SGSM3: variants seen among roughly 807,000 people sequenced by gnomAD.
SGSM3 encodes small G protein signaling modulator 3.
A neutral mutation model predicts 100.5 loss-of-function variants in SGSM3; 96 were observed. The ratio of observed to expected loss-of-function variants is 0.96; its 90% confidence interval spans 0.81 to 1.13. The LOEUF is 1.13. Ranked by LOEUF, SGSM3 falls within the 50% of genes most tolerant of loss-of-function variation. The pLI is 0.00. For synonymous variants in SGSM3, 483 were observed against 422.8 expected (o/e 1.14, Z -1.75); for missense variants, 1,001 against 1,015.8 (o/e 0.99, Z 0.20).
chr22:40,407,717 C>A lies in SGSM3; in HGVS notation c.1525-72C>A. 2 of 1,588,810 alleles carry A rather than the reference C, an allele frequency of 1.3e-6. No individual in the cohort carries two copies. Among genetic ancestry groups the A allele is most frequent in the Non-Finnish European group, 1.7e-6 (2 of 1,157,260 alleles). ...TGGCCTGGCCTAGTTGCTGAGGAGTCATATCGGGGGTGCAGGAGGCGCTGG... is the reference window on the plus strand; with the variant it reads ...TGGCCTGGCCTAGTTGCTGAGGAGTAATATCGGGGGTGCAGGAGGCGCTGG... On this transcript the variant is annotated intron_variant, in intron 13 of 21. Transcript: ENST00000248929. The surrounding 1 kb of genome is among the most constrained non-coding windows in gnomAD (Gnocchi z 4.7).
Position 40,410,038 on chromosome 22 carries a change from AGGGGAT to A in SGSM3, c.*284_*289del. On this transcript the variant is annotated 3_prime_UTR_variant, in exon 22 of 22. Coordinates refer to ENST00000248929, the MANE Select transcript of SGSM3 (RefSeq NM_015705.6). ...CCATGTCTGTGCTCAGGAAGAGGGA[AGGGGAT>A]GGGGGTGGCTAGTAGGCTCCTGGCC... 2 of 1,310,944 alleles carry A rather than the reference AGGGGAT, an allele frequency of 1.5e-6. No homozygotes were observed. Among genetic ancestry groups the A allele is most frequent in the South Asian group, 2.3e-5 (1 of 44,010 alleles). The allele number at this position is 1,310,944 out of a possible 1,614,324, so 81.2% of individuals were successfully genotyped here.
chr22:40,409,088 C>T, intron 19 of SGSM3, 70 bp downstream of exon 19: 1 of 1,551,564 alleles, frequency 6.4e-7, no homozygotes, highest in Non-Finnish European at 8.7e-7. Context: ...AGGGGGGGTC[C>T]TTACAGGGAA....
At chr22:40,380,428 A>G (rs2047380386) in intron 1 of SGSM3, among the ~76,000 whole-genome samples, 2 of 145,978 alleles carry the variant, frequency 1.4e-5, no homozygotes. Context: ...GTGCAGTGGC[A>G]CTATCTCAGC....
intron 1 of SGSM3, among the ~76,000 whole-genome samples, 152 bp from the exon 2 acceptor site, chr22:40,400,544 G>A (rs1030266850): frequency 1.3e-5 from 2 of 152,186 alleles, no homozygotes; most frequent in Admixed American, 6.5e-5. Flanking sequence ...TCGGGAGGCC[G>A]AGGCAGAAGA....
chr22:40,396,565 C>G (rs150777046), intron 1 of SGSM3, among the ~76,000 whole-genome samples: 24,398 of 145,028 alleles, frequency 0.17, 2,708 homozygotes, highest in Admixed American at 0.36. Flanking sequence ...TGCACTCCAG[C>G]CTGGGCGACA....
rs779946950 is a variant in SGSM3, at chr22:40,404,350, C to T, written c.261C>T (p.His87=). Residue 87 remains histidine (H), a synonymous_variant, in exon 5 of 22, where the codon CAC becomes CAT. Transcript: ENST00000248929. ...WQAHLEFTHN[H]DVGDLTWDKI... ...CCCACCTGGAGTTCACCCATAACCA[C>T]GATGTGGGGGATCTCACCTGGGACA... 46 of 1,603,870 alleles carry T rather than the reference C, an allele frequency of 2.9e-5. No individual in the cohort carries two copies. In the Admixed American group the frequency reaches 4.1e-4, roughly 14 times the overall value.
chr22:40,405,699 GATGT>G lies in SGSM3; in HGVS notation c.670_673del (p.Met224LeufsTer51), dbSNP rs759514724. 1 of 1,613,740 alleles carries G rather than the reference GATGT, an allele frequency of 6.2e-7. No individual in the cohort carries two copies. The highest frequency in any genetic ancestry group is 8.5e-7 in the Non-Finnish European group (1 of 1,179,926). ...TGGAGGAGGAGGACGCCTTCTGGAT[GATGT>G]CTGCCATCATCGAGGACCTGCTCCC... On this transcript the variant is annotated frameshift_variant, in exon 8 of 22. Transcript: ENST00000248929. LOFTEE classifies it high-confidence loss of function.
chr22:40,387,652 A>G (rs1292419953), intron 1 of SGSM3, among the ~76,000 whole-genome samples: 1 of 152,154 alleles, frequency 6.6e-6, no homozygotes, highest in African/African-American at 2.4e-5. Flanking sequence ...TATTTATTTC[A>G]CTTCTACTTC....
chr22:40,373,834 TC>T (rs1249868167), intron 1 of SGSM3, among the ~76,000 whole-genome samples: 2 of 152,200 alleles, frequency 1.3e-5, no homozygotes, highest in African/African-American at 4.8e-5. Context: ...CAGGATGGTC[TC>T]CATCTCTTGA....
chr22:40,402,466 G>A (rs1032807202), intron 4 of SGSM3, among the ~76,000 whole-genome samples: 15 of 152,336 alleles, frequency 9.8e-5, no homozygotes, highest in African/African-American at 3.6e-4. Flanking sequence ...CAGGCTGGAC[G>A]TGGTGGCTCA....
intron 19 of SGSM3, 103 bp downstream of exon 19, chr22:40,409,121 G>T: frequency 6.4e-7 from 1 of 1,555,310 alleles, no homozygotes; most frequent in Non-Finnish European, 8.7e-7. Context: ...AAGAACCTCA[G>T]GGGCTCAGGT....
chr22:40,396,765 A>G (rs2146928567), intron 1 of SGSM3, among the ~76,000 whole-genome samples: 1 of 152,302 alleles, frequency 6.6e-6, no homozygotes, highest in East Asian at 1.9e-4. Flanking sequence ...ATGGGGGGCC[A>G]TATCCCTCTG....
Position 40,407,092 on chromosome 22 carries a change from A to T in SGSM3, c.1240+21A>T. On this transcript the variant is annotated intron_variant, in intron 11 of 21. Coordinates refer to ENST00000248929, the MANE Select transcript of SGSM3 (RefSeq NM_015705.6). The surrounding 1 kb of genome is among the most constrained non-coding windows in gnomAD (Gnocchi z 4.7). ...CTTCGGTGAGAGCTCTGCGAGTGCC[A>T]GGCAGTGTGGGCATGCGGGAGTCTG... 1 of 1,603,550 alleles carries T rather than the reference A, an allele frequency of 6.2e-7. No individual in the cohort carries two copies. Among genetic ancestry groups the T allele is most frequent in the Non-Finnish European group, 8.5e-7 (1 of 1,175,246 alleles).
chr22:40,406,358 G>C (rs1423693210), intron 9 of SGSM3, 80 bp from the exon 10 acceptor site: 23 of 1,497,920 alleles, frequency 1.5e-5, no homozygotes, highest in Non-Finnish European at 2.1e-5. Flanking sequence ...GGGTCCCTGA[G>C]GATGGGGGTT....
Position 40,408,843 on chromosome 22 carries a change from G to T in SGSM3, c.1902+1G>T. On this transcript the variant is annotated splice_donor_variant, in intron 18 of 21. Coordinates refer to ENST00000248929, the MANE Select transcript of SGSM3 (RefSeq NM_015705.6). LOFTEE classifies it high-confidence loss of function. The stretch of plus-strand genomic sequence containing the variant: ...GACCCCGGAGGAGCTGCTCTACCGG[G>T]TAAGGGGGCCTCCTCTGCCAGACCC... 1.2e-6 allele frequency: 2 copies of T among 1,613,900 alleles called. No homozygotes were observed. Among genetic ancestry groups the T allele is most frequent in the Non-Finnish European group, 1.7e-6 (2 of 1,180,032 alleles).
intron 14 of SGSM3, 51 bp from the exon 15 acceptor site, chr22:40,408,018 GCT>G (rs2051878791): frequency 2.5e-6 from 4 of 1,585,594 alleles, no homozygotes; most frequent in Non-Finnish European, 3.4e-6. Flanking sequence ...GGCTGTGTCT[GCT>G]CTGTCCTCGG....
Position 40,410,095 on chromosome 22 carries a change from C to T in SGSM3, c.*336C>T. 1 of 1,199,602 alleles carries T rather than the reference C, an allele frequency of 8.3e-7. No individual in the cohort carries two copies. Among genetic ancestry groups the T allele is most frequent in the Non-Finnish European group, 1.0e-6 (1 of 965,490 alleles). The allele number at this position is 1,199,602 out of a possible 1,614,324, so 74.3% of individuals were successfully genotyped here. On this transcript the variant is annotated 3_prime_UTR_variant, in exon 22 of 22. Coordinates refer to ENST00000248929, the MANE Select transcript of SGSM3 (RefSeq NM_015705.6). ...TCTTTGGTTTATAAATAAACTGTGT[C>T]TGTCTTTGAGAAAGCACCTACCTGT...
intron 1 of SGSM3, among the ~76,000 whole-genome samples, chr22:40,379,167 T>C (rs1231047913): frequency 1.3e-4 from 20 of 152,230 alleles, no homozygotes; most frequent in Non-Finnish European, 5.9e-5. Context: ...GCTGGGACTT[T>C]CAAAGAAGGG....
At chr22:40,402,065 T>C (rs2146960487) in intron 3 of SGSM3, 74 bp from the exon 4 acceptor site, 1 of 1,139,932 alleles carries the variant, frequency 8.8e-7, no homozygotes, top group East Asian at 2.4e-5. Context: ...GGCAACCCTG[T>C]GGGTGGCATC....
Sources: gnomAD v4.1 joint callset for allele counts (sites outside exome capture counted in the v4.1 genomes callset) on GRCh38, gnomAD v4.1.1 for gene constraint, Gnocchi (gnomAD v3.1) non-coding constraint, MANE v1.5 for transcripts, NCBI Gene and HGNC (gene_info 2026-07-23, HGNC 2026-07-21) for gene names.